GUCY1A1: variants seen among roughly 807,000 people sequenced by gnomAD.
The protein encoded by GUCY1A1 is guanylate cyclase soluble subunit alpha-1.
Under a neutral mutation model 64.5 loss-of-function variants are expected in GUCY1A1, and 48 were observed. The observed-to-expected ratio is 0.74, with a 90% CI of 0.59 to 0.95. The LOEUF is 0.95. Among genes scored for constraint, GUCY1A1 ranks in the 40% least tolerant of loss-of-function variants. GUCY1A1 has a pLI of 0.00. For synonymous variants in GUCY1A1, 308 were observed against 303.4 expected, an observed-to-expected ratio of 1.02 and a Z score of -0.16; for missense variants, 804 against 825.3, an observed-to-expected ratio of 0.97 and a Z score of 0.32.
intron 5 of GUCY1A1, among the ~76,000 whole-genome samples, chr4:155,708,847 G>T (rs952679856): frequency 2.6e-5 from 4 of 152,048 alleles, no homozygotes; most frequent in African/African-American, 9.7e-5. Flanking sequence ...GCCCTATTCT[G>T]AATATAAGCC....
rs2110797283 is a variant in GUCY1A1, at chr4:155,731,039, T to A, written c.*808T>A. On this transcript the variant is annotated 3_prime_UTR_variant, in exon 10 of 10. Coordinates refer to ENST00000506455, the MANE Select transcript of GUCY1A1 (RefSeq NM_001130682.3). ...GTATTCAGAATAAAAGAGGTTTATA[T>A]CTTCTATTAAAATGCAGTAATACTA... 1 of 153,484 alleles carries A rather than the reference T, an allele frequency of 6.5e-6. No individual in the cohort carries two copies. Among genetic ancestry groups the A allele is most frequent in the South Asian group, 2.1e-4 (1 of 4,826 alleles). The allele number at this position is 153,484 out of a possible 1,614,324, so 9.5% of individuals were successfully genotyped here. A position where few individuals can be genotyped will look rare whatever the true frequency, so the allele number is the denominator to read the frequency against.
At position 155,736,643 on chromosome 4, in the gene GUCY1A1, T is replaced by G. The variant is rs1408448979; in HGVS notation, c.*6412T>G. Reference sequence around the variant, plus strand: ...ATTTTTGAGGAATAAAAGGAGTTAGTTTTTTGGTCCTGATGTGTAAAATGA... The same window carrying G: ...ATTTTTGAGGAATAAAAGGAGTTAGGTTTTTGGTCCTGATGTGTAAAATGA... On this transcript the variant is annotated 3_prime_UTR_variant, in exon 10 of 10. Transcript: ENST00000506455. The G allele has an allele frequency of 6.6e-6, 1 of 151,964 alleles. No homozygotes were observed. The highest frequency in any genetic ancestry group is 1.5e-5 in the Non-Finnish European group (1 of 67,928). 9.4% of individuals were successfully genotyped at this position (151,964 alleles called of 1,614,324 possible).
At chr4:155,673,172 T>G (rs1734388668) in intron 2 of GUCY1A1, among the ~76,000 whole-genome samples, 1 of 151,092 alleles carries the variant, frequency 6.6e-6, no homozygotes, top group Non-Finnish European at 1.5e-5. Context: ...AAGCTTCAAC[T>G]TATTTTATGT....
rs1381910420 is a variant in GUCY1A1, at chr4:155,713,239, A to T, written c.1228A>T (p.Arg410Trp). The change falls in exon 7 of 10, where the codon AGG (arginine) becomes TGG (tryptophan). Residue 410 changes from arginine to tryptophan, a missense_variant. Transcript: ENST00000506455. The stretch of plus-strand genomic sequence containing the variant: ...AGACATCCCAATTCACAATGCACTG[A>T]GGGATGTGGTCTTAATAGGGGAACA... ...LSDIPIHNAL[R>W]DVVLIGEQAR... 6.2e-7 allele frequency: 1 copy of T among 1,614,102 alleles called. No homozygotes were observed. The highest frequency in any genetic ancestry group is 1.1e-5 in the South Asian group (1 of 91,084).
At chr4:155,699,719 TTA>T (rs1341182319) in intron 3 of GUCY1A1, among the ~76,000 whole-genome samples, 3 of 152,184 alleles carry the variant, frequency 2.0e-5, no homozygotes, top group African/African-American at 7.2e-5. Flanking sequence ...TTTGTTAAGT[TTA>T]TAGATTTAAT....
intron 2 of GUCY1A1, among the ~76,000 whole-genome samples, chr4:155,677,935 A>G (rs1735186293): frequency 6.6e-6 from 1 of 151,980 alleles, no homozygotes; most frequent in Non-Finnish European, 1.5e-5. Context: ...TAATAAGTTT[A>G]TATAAAAAAT....
At chr4:155,698,383 G>A (rs1191438465) in intron 3 of GUCY1A1, among the ~76,000 whole-genome samples, 1 of 152,152 alleles carries the variant, frequency 6.6e-6, no homozygotes, top group Non-Finnish European at 1.5e-5. Flanking sequence ...GCATTGGCTA[G>A]GATAAAGGAT....
At chr4:155,712,399 A>T (rs1732692976) in intron 6 of GUCY1A1, among the ~76,000 whole-genome samples, 1 of 152,090 alleles carries the variant, frequency 6.6e-6, no homozygotes, top group Admixed American at 6.5e-5. Flanking sequence ...CCTAAGCTCT[A>T]CTTTATTTAA....
chr4:155,708,821 C>T (rs373964881), intron 5 of GUCY1A1, among the ~76,000 whole-genome samples: 5 of 152,070 alleles, frequency 3.3e-5, no homozygotes, highest in African/African-American at 1.2e-4. Context: ...TATATTGAGG[C>T]CCCCCTAGGA....
chr4:155,698,370 C>T (rs1375029978), intron 3 of GUCY1A1, among the ~76,000 whole-genome samples: 5 of 152,154 alleles, frequency 3.3e-5, no homozygotes, highest in African/African-American at 1.2e-4. Context: ...TGCTAGACAG[C>T]CAGCATTGGC....
At chr4:155,696,607 T>G (rs1218302677) in intron 2 of GUCY1A1, 149 bp from the exon 3 acceptor site, 1 of 350,654 alleles carries the variant, frequency 2.9e-6, no homozygotes, top group East Asian at 4.6e-5. Flanking sequence ...CTTTGCCAAA[T>G]GTCCTGCTCA....
chr4:155,728,407 G>A (rs1375962486), intron 9 of GUCY1A1, among the ~76,000 whole-genome samples: 1 of 151,828 alleles, frequency 6.6e-6, no homozygotes, highest in Non-Finnish European at 1.5e-5. Context: ...TACTATATGT[G>A]CATGTGATAT....
chr4:155,713,083 T>C lies in GUCY1A1; in HGVS notation c.1087-15T>C. 1.3e-6 allele frequency: 2 copies of C among 1,586,642 alleles called. No homozygotes were observed. Among genetic ancestry groups the C allele is most frequent in the South Asian group, 2.3e-5 (2 of 86,672 alleles). ...AACTTGAATAAACCACAATTGGTTA[T>C]CCTTTCCTTCATAGGTTATGGACCT... On this transcript the variant is annotated splice_polypyrimidine_tract_variant and intron_variant, in intron 6 of 9. Transcript: ENST00000506455.
intron 8 of GUCY1A1, among the ~76,000 whole-genome samples, chr4:155,718,324 A>T (rs1277114805): frequency 6.6e-6 from 1 of 152,178 alleles, no homozygotes; most frequent in East Asian, 1.9e-4. Flanking sequence ...TTTAACCTTA[A>T]TAGAAGCCAT....
intron 4 of GUCY1A1, among the ~76,000 whole-genome samples, chr4:155,707,718 T>C (rs1005193541): frequency 6.6e-6 from 1 of 152,208 alleles, no homozygotes; most frequent in Non-Finnish European, 1.5e-5. Flanking sequence ...CATATATATT[T>C]TGGGGTTTTC....
At chr4:155,721,945 T>C in intron 8 of GUCY1A1, 93 bp from the exon 9 acceptor site, 3 of 886,380 alleles carry the variant, frequency 3.4e-6, no homozygotes, top group South Asian at 1.5e-5. Context: ...TGAGGGTGAA[T>C]GGTAAAATAA....
At chr4:155,703,534 G>A (rs936565754) in intron 3 of GUCY1A1, among the ~76,000 whole-genome samples, 12 of 152,144 alleles carry the variant, frequency 7.9e-5, no homozygotes, top group East Asian at 1.9e-4. Context: ...TTGGCCGCCC[G>A]TCCAGAGGGA....
chr4:155,669,883 T>A (rs1733891181), intron 2 of GUCY1A1, among the ~76,000 whole-genome samples: 1 of 152,190 alleles, frequency 6.6e-6, no homozygotes, highest in African/African-American at 2.4e-5. Context: ...TAATATTTCT[T>A]GCTTTACAGG....
At chr4:155,717,433 C>A (rs989342537) in intron 8 of GUCY1A1, 131 bp downstream of exon 8, 2 of 483,784 alleles carry the variant, frequency 4.1e-6, no homozygotes, top group Admixed American at 4.0e-5. Flanking sequence ...ATAGAGAACA[C>A]AATCTTCTCT....
Sources: allele counts gnomAD v4.1 joint callset (sites outside exome capture counted in the v4.1 genomes callset), GRCh38; gene constraint gnomAD v4.1.1; transcripts MANE v1.5; gene names NCBI Gene and HGNC (gene_info 2026-07-23, HGNC 2026-07-21).